Variants in CSMD1 observed in about 807,000 individuals in gnomAD.
The protein encoded by CSMD1 is CUB and Sushi multiple domains 1, also known as CUB and sushi domain-containing protein 1.
A neutral mutation model predicts 417.5 loss-of-function variants in CSMD1; 213 were observed. The ratio of observed to expected loss-of-function variants is 0.51; its 90% CI spans 0.46 to 0.57. The LOEUF (loss-of-function observed/expected upper bound fraction) is 0.57, where lower values mean the gene tolerates loss of function less well. Ranked by LOEUF, CSMD1 falls within the 20% of genes least tolerant of loss-of-function variation. CSMD1 has a pLI of 0.00. For missense variants in CSMD1, 6,923 were observed against 4,529.7 expected, an observed-to-expected ratio of 1.53 and a Z score of -15.17; for synonymous variants, 2,862 against 1,736.8, an observed-to-expected ratio of 1.65 and a Z score of -16.11.
chr8:3,786,546 T>C (rs1799466364), intron 5 of CSMD1, among the ~76,000 whole-genome samples: 2 of 152,156 alleles, frequency 1.3e-5, no homozygotes, highest in East Asian at 1.9e-4. Context: ...CGAGTAATCA[T>C]GCAGACTGAG....
At chr8:4,991,572 G>T (rs567801764) in intron 1 of CSMD1, among the ~76,000 whole-genome samples, 1 of 152,128 alleles carries the variant, frequency 6.6e-6, no homozygotes, top group Non-Finnish European at 1.5e-5. Flanking sequence ...AGCTGCCCAC[G>T]GCAGTGGCCG....
At chr8:3,754,160 G>C in intron 5 of CSMD1, 118 bp from the exon 6 acceptor site, 1 of 596,170 alleles carries the variant, frequency 1.7e-6, no homozygotes, top group Non-Finnish European at 3.0e-6. Context: ...GCTTAAAACA[G>C]AGGCCATGTA....
At chr8:4,148,868 C>T (rs997609769) in intron 3 of CSMD1, among the ~76,000 whole-genome samples, 3 of 152,152 alleles carry the variant, frequency 2.0e-5, no homozygotes, top group Admixed American at 6.5e-5. Flanking sequence ...GGCACATGGT[C>T]GAGAGACACA....
intron 1 of CSMD1, among the ~76,000 whole-genome samples, chr8:4,842,281 A>G (rs1291166004): frequency 6.6e-6 from 1 of 152,248 alleles, no homozygotes; most frequent in African/African-American, 2.4e-5. Context: ...TTCCAGATGC[A>G]TTGAATTTTG....
chr8:3,783,188 T>A (rs570874139), intron 5 of CSMD1, among the ~76,000 whole-genome samples: 16 of 152,356 alleles, frequency 1.1e-4, no homozygotes, highest in African/African-American at 2.6e-4. Flanking sequence ...TTCTATTTGT[T>A]CAATCACCAT....
At chr8:2,968,632 T>C (rs752989885) in intron 57 of CSMD1, among the ~76,000 whole-genome samples, 7 of 152,134 alleles carry the variant, frequency 4.6e-5, no homozygotes, top group Non-Finnish European at 1.0e-4. Context: ...GTTATAACTA[T>C]GAAAATGACT....
intron 2 of CSMD1, among the ~76,000 whole-genome samples, chr8:4,441,053 A>G (rs1268703903): frequency 6.8e-6 from 1 of 146,378 alleles, no homozygotes; most frequent in East Asian, 2.0e-4. Context: ...TCATTTTAAA[A>G]TATAAACTTT....
intron 3 of CSMD1, among the ~76,000 whole-genome samples, chr8:4,138,790 T>C (rs934763614): frequency 6.6e-6 from 1 of 152,178 alleles, no homozygotes; most frequent in Non-Finnish European, 1.5e-5. Context: ...CTATGAACAG[T>C]GGCTTTCATT....
chr8:4,426,253 T>C (rs1019102889), intron 2 of CSMD1, among the ~76,000 whole-genome samples: 2 of 151,850 alleles, frequency 1.3e-5, no homozygotes, highest in African/African-American at 4.8e-5. Context: ...AATAACTTAT[T>C]TTTTATAAGT....
chr8:3,305,553 C>T (rs73502000), intron 25 of CSMD1, among the ~76,000 whole-genome samples: 1 of 151,130 alleles, frequency 6.6e-6, no homozygotes, highest in African/African-American at 2.4e-5. Flanking sequence ...CATTTCCTCT[C>T]TGTCTCTAGT....
intron 3 of CSMD1, among the ~76,000 whole-genome samples, chr8:4,184,716 G>A (rs1022134025): frequency 6.6e-6 from 1 of 152,148 alleles, no homozygotes; most frequent in Admixed American, 6.5e-5. Context: ...GGAGGAGGGA[G>A]GGGACCGTGA....
chr8:4,934,085 C>T (rs918617104), intron 1 of CSMD1, among the ~76,000 whole-genome samples: 4 of 152,010 alleles, frequency 2.6e-5, no homozygotes, highest in Non-Finnish European at 5.9e-5. Context: ...GAACTGAGAA[C>T]TTTGAGGCGG....
intron 6 of CSMD1, among the ~76,000 whole-genome samples, chr8:3,720,471 C>G (rs993400281): frequency 6.6e-6 from 1 of 152,162 alleles, no homozygotes; most frequent in African/African-American, 2.4e-5. Flanking sequence ...CCTTTCAGAT[C>G]TGTGAACAAC....
At chr8:4,319,625 G>C (rs982591984) in intron 3 of CSMD1, among the ~76,000 whole-genome samples, 9 of 152,046 alleles carry the variant, frequency 5.9e-5, no homozygotes, top group Admixed American at 3.3e-4. Context: ...AAACAAAAGG[G>C]TGAATTACTT....
chr8:4,909,391 G>T (rs116123150), intron 1 of CSMD1, among the ~76,000 whole-genome samples: 48 of 152,164 alleles, frequency 3.2e-4, no homozygotes, highest in African/African-American at 1.1e-3. Context: ...TTGAAGCCAT[G>T]ACACCCACTA....
intron 44 of CSMD1, among the ~76,000 whole-genome samples, chr8:3,108,193 G>T (rs148458305): frequency 6.6e-6 from 1 of 152,144 alleles, no homozygotes; most frequent in Non-Finnish European, 1.5e-5. Flanking sequence ...AGAGATAAGC[G>T]ATTGATTGAC....
At chr8:4,980,571 G>A (rs1381161184) in intron 1 of CSMD1, among the ~76,000 whole-genome samples, 1 of 152,194 alleles carries the variant, frequency 6.6e-6, no homozygotes, top group Non-Finnish European at 1.5e-5. Flanking sequence ...ATAAATGAGA[G>A]ACTTGAATTT....
At chr8:3,336,585 C>T (rs1032127839) in intron 23 of CSMD1, among the ~76,000 whole-genome samples, 1 of 152,178 alleles carries the variant, frequency 6.6e-6, no homozygotes, top group African/African-American at 2.4e-5. Context: ...AGATGCTTTA[C>T]CCCGCTCTGA....
At chr8:4,766,434 A>G (rs1363914492) in intron 1 of CSMD1, among the ~76,000 whole-genome samples, 2 of 152,240 alleles carry the variant, frequency 1.3e-5, no homozygotes. Flanking sequence ...TCGATCACGA[A>G]TATATACAGA....
Sources: gnomAD v4.1 joint callset for allele counts (sites outside exome capture counted in the v4.1 genomes callset) on GRCh38, gnomAD v4.1.1 for gene constraint, MANE v1.5 for transcripts, NCBI Gene and HGNC (gene_info 2026-07-23, HGNC 2026-07-21) for gene names.